DNAH10: variants seen among roughly 807,000 people sequenced by gnomAD.
DNAH10 encodes the protein dynein axonemal heavy chain 10.
DNAH10 carries 348 observed loss-of-function variants against 506.6 expected under a neutral mutation model. The observed-to-expected ratio is 0.69, with a 90% CI of 0.63 to 0.75. The LOEUF (loss-of-function observed/expected upper bound fraction) is 0.75. DNAH10 is among the 30% of genes least tolerant of loss of function. The probability of loss-of-function intolerance (pLI) is 0.00; values close to 1 mark genes in which losing one functional copy is unlikely to be tolerated. For missense variants in DNAH10, 5,179 were observed against 5,787.1 expected (o/e 0.89, Z 3.41); for synonymous variants, 2,059 against 2,198.6 (o/e 0.94, Z 1.78).
chr12:123,868,025 T>C lies in DNAH10; in HGVS notation c.7425T>C (p.Asp2475=). ...YCSLGASLLE[D]GRMKFDEYIK... is the part of the protein sequence containing the mutation. ...CTCTGGGAGCCTCCCTGCTTGAGGA[T>C]GGAAGGATGAAATTTGACGAATATA... is the stretch of plus-strand genomic sequence containing the variant. Residue 2475 remains aspartate, a synonymous_variant, in exon 43 of 79, where the codon GAT becomes GAC. Coordinates refer to ENST00000673944, the MANE Select transcript of DNAH10 (RefSeq NM_001372106.1). 2 of 1,613,916 alleles carry C rather than the reference T, an allele frequency of 1.2e-6. No homozygotes were observed. The highest frequency in any genetic ancestry group is 2.2e-5 in the East Asian group (1 of 44,870).
At chr12:123,857,754 T>G (rs1951455001) in intron 37 of DNAH10, among the ~76,000 whole-genome samples, 1 of 152,192 alleles carries the variant, frequency 6.6e-6, no homozygotes, top group African/African-American at 2.4e-5. Context: ...AGAAAAAATG[T>G]AGAGTTTGTT....
Position 123,783,004 on chromosome 12 carries a change from A to C in DNAH10, c.842-103A>C. 3.0e-6 allele frequency: 3 copies of C among 1,010,900 alleles called. No homozygotes were observed. The South Asian group carries it at 4.4e-5, about 15-fold the overall frequency. 62.6% of individuals were successfully genotyped at this position (1,010,900 alleles called of 1,614,324 possible). On this transcript the variant is annotated intron_variant, in intron 6 of 78. Coordinates refer to ENST00000673944, the MANE Select transcript of DNAH10 (RefSeq NM_001372106.1). ...CAGGGGATGCGTCAGACCTTATTAT[A>C]CTGATGAAGCTTGAGAGACGACCCA...
intron 40 of DNAH10, among the ~76,000 whole-genome samples, chr12:123,865,481 G>T (rs1951769973): frequency 6.6e-6 from 1 of 152,046 alleles, no homozygotes; most frequent in South Asian, 2.1e-4. Flanking sequence ...TATCTGATTA[G>T]CTGACTGAAC....
intron 57 of DNAH10, chr12:123,908,321 T>C: frequency 2.2e-6 from 1 of 456,030 alleles, no homozygotes; most frequent in Non-Finnish European, 4.4e-6. Context: ...CCCCTCTTTC[T>C]TCTCTGGCTC....
rs1257291206 is a variant in DNAH10 at position 123,916,840 on chromosome 12, G to A, written c.11002+104G>A. 1.2e-5 allele frequency: 17 copies of A among 1,382,190 alleles called. No individual in the cohort carries two copies. The highest frequency in any genetic ancestry group is 1.5e-5 in the Non-Finnish European group (16 of 1,033,598). The allele number at this position is 1,382,190 out of a possible 1,614,324, so 85.6% of individuals were successfully genotyped here. A position where few individuals can be genotyped will look rare whatever the true frequency, so the allele number is the denominator to read the frequency against. On this transcript the variant is annotated intron_variant, in intron 63 of 78. Transcript: ENST00000673944. This position sits in a 1 kb window ranked among gnomAD's most constrained non-coding sequence, Gnocchi z 4.6. Reference sequence around the variant, plus strand: ...GACATCATTTCACTCAGTGACCCCAGATCATTCTCTCATAGGCACATCTGG... The same window carrying A: ...GACATCATTTCACTCAGTGACCCCAAATCATTCTCTCATAGGCACATCTGG...
chr12:123,843,253 A>T (rs1239865229), intron 30 of DNAH10, among the ~76,000 whole-genome samples: 1 of 152,190 alleles, frequency 6.6e-6, no homozygotes, highest in African/African-American at 2.4e-5. Context: ...ATTTGAGCTG[A>T]TAGGTGTGGC....
At chr12:123,879,862 A>G in intron 50 of DNAH10, 61 bp downstream of exon 50, 2 of 1,572,416 alleles carry the variant, frequency 1.3e-6, no homozygotes, top group Non-Finnish European at 1.7e-6. Context: ...GCCAAGCGGG[A>G]GCTGAGCATC....
chr12:123,869,877 C>T (rs1239022508), intron 43 of DNAH10, among the ~76,000 whole-genome samples: 1 of 152,220 alleles, frequency 6.6e-6, no homozygotes, highest in African/African-American at 2.4e-5. Flanking sequence ...CATCTCTCCC[C>T]TGCCCCGCCT....
In DNAH10 at chr12:123,881,721, C is replaced by T. The variant is rs759567865; in HGVS notation, c.8731C>T (p.Arg2911Cys). The part of the protein sequence containing the change: ...EHLTRVHRII[R>C]MDRGHALLVG... ...TTTAACCCGGGTGCACCGTATCATCCGCATGGACCGCGGCCACGCCCTGCT... is the reference window on the plus strand; with the variant it reads ...TTTAACCCGGGTGCACCGTATCATCTGCATGGACCGCGGCCACGCCCTGCT... Residue 2911 changes from arginine to cysteine, a missense_variant, in exon 51 of 79, where the codon CGC becomes TGC. By Grantham distance (180) the Arg-to-Cys change is radical. This residue lies in a region of DNAH10 where 4,844 missense variants were observed against 5,430.5 expected (regional missense o/e 0.89). Coordinates refer to ENST00000673944, the MANE Select transcript of DNAH10 (RefSeq NM_001372106.1). 40 of 1,549,164 alleles carry T rather than the reference C, an allele frequency of 2.6e-5. No homozygotes were observed. The highest frequency in any genetic ancestry group is 1.2e-4 in the Admixed American group (6 of 50,326).
rs1954405622 is a variant in DNAH10, at chr12:123,915,010, T to C, written c.10722+11T>C. 1 of 1,597,478 alleles carries C rather than the reference T, an allele frequency of 6.3e-7. No homozygotes were observed. The highest frequency in any genetic ancestry group is 8.5e-7 in the Non-Finnish European group (1 of 1,172,324). On this transcript the variant is annotated intron_variant, in intron 62 of 78. Transcript: ENST00000673944. ...AAGAACAATCTGCGGGTATGGTGGC[T>C]CCTCCCAGGGCGTCTTCTGCCCCCT... is the stretch of plus-strand genomic sequence containing the variant.
At chr12:123,823,182 C>A (rs1254715454) in intron 24 of DNAH10, among the ~76,000 whole-genome samples, 3 of 152,196 alleles carry the variant, frequency 2.0e-5, no homozygotes, top group Non-Finnish European at 4.4e-5. Context: ...ACAAGGCTTT[C>A]CAGGCAGAGC....
intron 18 of DNAH10, among the ~76,000 whole-genome samples, chr12:123,806,071 C>T (rs527942749): frequency 1.3e-5 from 2 of 152,230 alleles, no homozygotes; most frequent in African/African-American, 4.8e-5. Context: ...CCACTGCGCC[C>T]GGCCACCCCG....
chr12:123,893,404 A>C lies in DNAH10; in HGVS notation c.9167A>C (p.Asp3056Ala). The change falls in exon 53 of 79, where the codon GAC becomes GCC. Residue 3056 changes from aspartate (D) to alanine (A), a missense_variant. Transcript: ENST00000673944. ...HIVLGMSPVG[D>A]TLRTWCRNFP... ...GTCCTGGGCATGTCGCCAGTGGGGG[A>C]CACCCTGAGGACCTGGTGCAGAAAC... 1.9e-6 allele frequency: 3 copies of C among 1,613,066 alleles called. No homozygotes were observed. The highest frequency in any genetic ancestry group is 2.5e-6 in the Non-Finnish European group (3 of 1,179,876).
chr12:123,764,819 C>T (rs554992229), intron 1 of DNAH10, among the ~76,000 whole-genome samples: 2 of 152,234 alleles, frequency 1.3e-5, no homozygotes, highest in East Asian at 3.9e-4. Flanking sequence ...ATGGATTCCT[C>T]GCCGAAGATG....
chr12:123,772,228 A>C (rs925946450), intron 3 of DNAH10, among the ~76,000 whole-genome samples: 3 of 152,180 alleles, frequency 2.0e-5, no homozygotes, highest in Admixed American at 6.5e-5. Flanking sequence ...CTGATCCTGT[A>C]TGACTGGGGC....
intron 21 of DNAH10, among the ~76,000 whole-genome samples, chr12:123,817,951 T>C (rs984972315): frequency 3.0e-4 from 43 of 143,166 alleles, no homozygotes; most frequent in African/African-American, 8.1e-4. Context: ...CTTTTTCTCT[T>C]TTTTTTTTTT....
chr12:123,856,906 A>T, intron 36 of DNAH10, 150 bp from the exon 37 acceptor site: 2 of 366,682 alleles, frequency 5.5e-6, no homozygotes, highest in Non-Finnish European at 9.2e-6. Flanking sequence ...GTAATTTTAA[A>T]TGTGTATAAA....
Position 123,881,798 on chromosome 12 carries a change from CACAGCCAGCT to C in DNAH10, c.8809_8818del (p.Thr2937ValfsTer8). The C allele has an allele frequency of 6.6e-7, 1 of 1,513,084 alleles. No individual in the cohort carries two copies. The highest frequency in any genetic ancestry group is 8.8e-7 in the Non-Finnish European group (1 of 1,130,634). 93.7% of individuals were successfully genotyped at this position (1,513,084 alleles called of 1,614,324 possible). ...AGTCTCTTTCGAGGCTGGCTGCCTT[CACAGCCAGCT>C]GTGAGGTCAGTCCACGTACCCTCCC... On this transcript the variant is annotated frameshift_variant, in exon 51 of 79. Coordinates refer to ENST00000673944, the MANE Select transcript of DNAH10 (RefSeq NM_001372106.1). LOFTEE classifies it high-confidence loss of function.
intron 30 of DNAH10, among the ~76,000 whole-genome samples, chr12:123,842,600 ATAT>A (rs2136627914): frequency 6.6e-6 from 1 of 152,346 alleles, no homozygotes; most frequent in South Asian, 2.1e-4. Context: ...GAATAGCATA[ATAT>A]TTATTTGATT....
Sources: allele counts gnomAD v4.1 joint callset (sites outside exome capture counted in the v4.1 genomes callset), GRCh38; gene constraint gnomAD v4.1.1; regional missense constraint gnomAD v4.1.1; non-coding constraint Gnocchi (gnomAD v3.1); transcripts MANE v1.5; gene names NCBI Gene and HGNC (gene_info 2026-07-23, HGNC 2026-07-21).